ZCCHC14: variants seen among roughly 807,000 people sequenced by gnomAD.
ZCCHC14 encodes the protein zinc finger CCHC-type containing 14, also known as zinc finger CCHC domain-containing protein 14.
In ZCCHC14, 16 loss-of-function variants were observed where a neutral mutation model predicts 85.0. The ratio of observed to expected loss-of-function variants is 0.19; its 90% CI spans 0.13 to 0.29. ZCCHC14 has a LOEUF of 0.29. Ranked by LOEUF, ZCCHC14 falls within the 10% of genes least tolerant of loss-of-function variation. The probability of loss-of-function intolerance (pLI) is 1.00; values close to 1 mark genes in which losing one functional copy is unlikely to be tolerated. For missense variants in ZCCHC14, 1,303 were observed against 1,443.5 expected (o/e 0.90, Z 1.58); for synonymous variants, 775 against 630.7 (o/e 1.23, Z -3.43).
intron 3 of ZCCHC14, among the ~76,000 whole-genome samples, chr16:87,428,842 C>G (rs1041224937): frequency 1.2e-4 from 18 of 152,224 alleles, no homozygotes; most frequent in African/African-American, 4.1e-4. Flanking sequence ...ACACGAGATT[C>G]GTGCATATGG....
intron 1 of ZCCHC14, among the ~76,000 whole-genome samples, chr16:87,474,988 G>GA (rs1800131979): frequency 6.6e-6 from 1 of 152,214 alleles, no homozygotes; most frequent in African/African-American, 2.4e-5. Context: ...TCTTCAGGAG[G>GA]ATAGAACGAA....
intron 3 of ZCCHC14, among the ~76,000 whole-genome samples, chr16:87,426,119 C>T (rs377469232): frequency 6.1e-5 from 9 of 147,276 alleles, no homozygotes; most frequent in African/African-American, 1.9e-4. Context: ...CAGCCCATGT[C>T]GCTCGCTCTG....
intron 1 of ZCCHC14, among the ~76,000 whole-genome samples, chr16:87,478,824 C>T (rs1042353535): frequency 6.6e-6 from 1 of 152,008 alleles, no homozygotes; most frequent in African/African-American, 2.4e-5. Flanking sequence ...TCAGGCTGGA[C>T]TCAAATTCCT....
chr16:87,440,275 G>A (rs35674809), intron 2 of ZCCHC14, among the ~76,000 whole-genome samples: 6,465 of 151,626 alleles, frequency 0.043, 187 homozygotes, highest in Non-Finnish European at 0.065. Flanking sequence ...AGCGATTCTT[G>A]TGCCTCAGCC....
chr16:87,466,490 A>G (rs1911525484), intron 1 of ZCCHC14, among the ~76,000 whole-genome samples: 1 of 152,246 alleles, frequency 6.6e-6, no homozygotes, highest in Admixed American at 6.5e-5. Context: ...CCTCTCTGGC[A>G]GTTCGATGAC....
chr16:87,419,382 C>G (rs1020464973), intron 6 of ZCCHC14, among the ~76,000 whole-genome samples: 2 of 152,226 alleles, frequency 1.3e-5, no homozygotes, highest in Non-Finnish European at 2.9e-5. Context: ...CTCACTGCAA[C>G]CACCGCCTCC....
chr16:87,468,063 A>C (rs953787188), intron 1 of ZCCHC14, among the ~76,000 whole-genome samples: 1 of 152,196 alleles, frequency 6.6e-6, no homozygotes, highest in Non-Finnish European at 1.5e-5. Flanking sequence ...TGGCTATTTC[A>C]AGGTAAGATT....
intron 1 of ZCCHC14, chr16:87,467,598 G>T: frequency 7.5e-7 from 1 of 1,338,318 alleles, no homozygotes; most frequent in Non-Finnish European, 1.1e-6. Flanking sequence ...TAGGTGTCAA[G>T]GATCTGGAGA....
At chr16:87,489,247 G>A (rs532254618) in intron 1 of ZCCHC14, among the ~76,000 whole-genome samples, 2 of 152,212 alleles carry the variant, frequency 1.3e-5, no homozygotes, top group Non-Finnish European at 2.9e-5. Context: ...CGGTTGTTTT[G>A]AAATACGGAA....
chr16:87,464,159 A>G (rs956297337), intron 1 of ZCCHC14, among the ~76,000 whole-genome samples: 3 of 152,202 alleles, frequency 2.0e-5, no homozygotes, highest in Admixed American at 2.0e-4. Flanking sequence ...CCCAACTCTC[A>G]GCCTGCTAGG....
At chr16:87,436,698 A>T (rs990857728) in intron 2 of ZCCHC14, among the ~76,000 whole-genome samples, 1 of 152,262 alleles carries the variant, frequency 6.6e-6, no homozygotes, top group Non-Finnish European at 1.5e-5. Flanking sequence ...CAACCTGCAC[A>T]TCCTGCACAC....
intron 1 of ZCCHC14, among the ~76,000 whole-genome samples, chr16:87,468,877 TAC>T (rs956135356): frequency 4.6e-5 from 7 of 152,302 alleles, no homozygotes; most frequent in African/African-American, 1.7e-4. Context: ...CCCTCCCTGA[TAC>T]AGTTTATTTT....
rs1346529131 is a variant in ZCCHC14, at chr16:87,460,078, A to G, written c.624T>C (p.Asn208=). The change falls in exon 2 of 13, where the codon AAT becomes AAC. Residue 208 remains asparagine (N), a synonymous_variant. Coordinates refer to ENST00000671377, the MANE Select transcript of ZCCHC14 (RefSeq NM_015144.3). ...TGGAATGTGCTGATGTGTGCAGGGC[A>G]TTCTCCAAACTATTACTGACACTGC... ...PVSSVSNSLE[N]ALHTSAHSTE... 9.9e-6 allele frequency: 16 copies of G among 1,614,174 alleles called. No homozygotes were observed. Among genetic ancestry groups the G allele is most frequent in the Non-Finnish European group, 1.4e-5 (16 of 1,180,028 alleles).
chr16:87,430,638 C>T (rs1427791658), intron 3 of ZCCHC14, among the ~76,000 whole-genome samples: 6 of 151,960 alleles, frequency 3.9e-5, no homozygotes, highest in African/African-American at 1.4e-4. Context: ...TCCCCGGCCT[C>T]AGCCTCCCGA....
At chr16:87,449,120 A>T (rs955880380) in intron 2 of ZCCHC14, among the ~76,000 whole-genome samples, 1 of 152,218 alleles carries the variant, frequency 6.6e-6, no homozygotes, top group African/African-American at 2.4e-5. Context: ...AGCTGACACC[A>T]GCCAACCCAC....
chr16:87,412,793 G>T lies in ZCCHC14; in HGVS notation c.1928C>A (p.Pro643His), dbSNP rs753776679. The T allele has an allele frequency of 1.2e-6, 2 of 1,613,266 alleles. No individual in the cohort carries two copies. Among genetic ancestry groups the T allele is most frequent in the Non-Finnish European group, 1.7e-6 (2 of 1,179,588 alleles). ...GTGCACGGAATTCAGCATGCGGATG[G>T]GTGTGATGTGTGAGGCTGCGCTCAG... ...QMLSAASHIT[P>H]IRMLNSVHKP... Residue 643 changes from proline (P) to histidine (H), a missense_variant, in exon 12 of 13, where the codon CCC becomes CAC. Physicochemically the swap from Pro to His is moderately conservative, Grantham distance 77 (BLOSUM62 -2). Transcript: ENST00000671377.
intron 1 of ZCCHC14, among the ~76,000 whole-genome samples, chr16:87,468,190 T>C (rs574593434): frequency 6.6e-6 from 1 of 152,220 alleles, no homozygotes; most frequent in Non-Finnish European, 1.5e-5. Context: ...AAGTGGCCTT[T>C]TGAAAGTAGG....
chr16:87,415,793 G>A (rs775080840), intron 8 of ZCCHC14, among the ~76,000 whole-genome samples: 2 of 152,096 alleles, frequency 1.3e-5, no homozygotes, highest in African/African-American at 4.8e-5. Context: ...TTATGATAGC[G>A]TGCCACCCCC....
chr16:87,413,094 G>C lies in ZCCHC14; in HGVS notation c.1705C>G (p.Arg569Gly). The C allele has an allele frequency of 6.2e-7, 1 of 1,614,068 alleles. No individual in the cohort carries two copies. Among genetic ancestry groups the C allele is most frequent in the Non-Finnish European group, 8.5e-7 (1 of 1,180,014 alleles). ...TCAGCGCTGTCGGAGCTCTCTTCCC[G>C]GGCCTGTACCCCCATGGGGCTGGAG... ...SSSSPMGVQA[R>G]EESSDSAEEN... The change falls in exon 11 of 13, where the codon CGG (arginine) becomes GGG (glycine). Residue 569 changes from arginine to glycine, a missense_variant. Physicochemically the swap from Arg to Gly is moderately radical, Grantham distance 125 (BLOSUM62 -2). Coordinates refer to ENST00000671377, the MANE Select transcript of ZCCHC14 (RefSeq NM_015144.3).
Sources: allele counts gnomAD v4.1 joint callset (sites outside exome capture counted in the v4.1 genomes callset), GRCh38; gene constraint gnomAD v4.1.1; transcripts MANE v1.5; gene names NCBI Gene and HGNC (gene_info 2026-07-23, HGNC 2026-07-21).